Variants in SPIN1 observed in about 807,000 individuals in gnomAD.
The protein encoded by SPIN1 is spindlin-1.
In SPIN1, 3 loss-of-function variants were observed where a neutral mutation model predicts 26.0. The ratio of observed to expected loss-of-function variants is 0.12; its 90% confidence interval spans 0.05 to 0.30. SPIN1 has a LOEUF of 0.30. SPIN1 is among the 10% of genes least tolerant of loss of function. SPIN1 has a pLI of 1.00. For synonymous variants in SPIN1, 101 were observed against 116.5 expected (o/e 0.87, Z 0.86); for missense variants, 126 against 333.4 (o/e 0.38, Z 4.84).
At chr9:88,398,789 G>A (rs1827123781) in intron 1 of SPIN1, among the ~76,000 whole-genome samples, 1 of 151,900 alleles carries the variant, frequency 6.6e-6, no homozygotes, top group South Asian at 2.1e-4. Flanking sequence ...GGTCAGGCTG[G>A]TCTTGAACTC....
chr9:88,436,389 A>G (rs1000548560), intron 2 of SPIN1, among the ~76,000 whole-genome samples: 1 of 152,178 alleles, frequency 6.6e-6, no homozygotes, highest in South Asian at 2.1e-4. Context: ...AAAATAACAG[A>G]GTTCCCATAT....
chr9:88,440,553 C>G (rs1238585802), intron 2 of SPIN1, among the ~76,000 whole-genome samples: 1 of 151,968 alleles, frequency 6.6e-6, no homozygotes, highest in Non-Finnish European at 1.5e-5. Flanking sequence ...CTTTCTCTGT[C>G]TCTGTCTCTC....
chr9:88,454,702 C>T (rs1427630010), intron 3 of SPIN1, among the ~76,000 whole-genome samples: 1 of 152,068 alleles, frequency 6.6e-6, no homozygotes, highest in East Asian at 1.9e-4. Context: ...GTATCTAAAC[C>T]TGTCTTAAGT....
intron 2 of SPIN1, among the ~76,000 whole-genome samples, chr9:88,439,199 A>G (rs1462412649): frequency 6.6e-6 from 1 of 152,160 alleles, no homozygotes; most frequent in Non-Finnish European, 1.5e-5. Flanking sequence ...TCCTGAACAC[A>G]TTATTTTTTC....
At chr9:88,455,589 T>G (rs1202850697) in intron 3 of SPIN1, among the ~76,000 whole-genome samples, 1 of 152,216 alleles carries the variant, frequency 6.6e-6, no homozygotes, top group Non-Finnish European at 1.5e-5. Context: ...AATAATTTAA[T>G]GTATATTTTA....
chr9:88,429,011 C>A (rs990663704), intron 2 of SPIN1, among the ~76,000 whole-genome samples: 3 of 152,092 alleles, frequency 2.0e-5, no homozygotes, highest in African/African-American at 7.2e-5. Flanking sequence ...CTAGCTGGGA[C>A]CACAGGTGTG....
chr9:88,458,995 C>G (rs993108619), intron 3 of SPIN1, among the ~76,000 whole-genome samples: 1 of 152,194 alleles, frequency 6.6e-6, no homozygotes, highest in Admixed American at 6.5e-5. Context: ...ACATATCTGA[C>G]TACTGTGGTG....
At chr9:88,420,713 A>G (rs1827652490) in intron 1 of SPIN1, among the ~76,000 whole-genome samples, 1 of 152,180 alleles carries the variant, frequency 6.6e-6, no homozygotes, top group Non-Finnish European at 1.5e-5. Flanking sequence ...GTTTAGAGGG[A>G]TGGGGGTCTT....
chr9:88,402,966 T>C (rs1827222746), intron 1 of SPIN1, among the ~76,000 whole-genome samples: 1 of 152,168 alleles, frequency 6.6e-6, no homozygotes, highest in Non-Finnish European at 1.5e-5. Context: ...CCATCTTCTG[T>C]TGTTTGTGTT....
rs1424727512 is a variant in SPIN1, at chr9:88,475,220, C to T, written c.732C>T (p.Phe244=). Reference sequence around the variant, plus strand: ...TAGAAGCCAAGCCCTCCGTCTATTTCATCAAGTTTGATGATGATTTCCATA... The same window carrying T: ...TAGAAGCCAAGCCCTCCGTCTATTTTATCAAGTTTGATGATGATTTCCATA... The part of the protein sequence containing the change: ...HQVEAKPSVY[F]IKFDDDFHIY... Residue 244 remains phenylalanine, a synonymous_variant, in exon 6 of 6, where the codon TTC becomes TTT. Coordinates refer to ENST00000375859, the MANE Select transcript of SPIN1 (RefSeq NM_006717.3). The T allele has an allele frequency of 6.2e-7, 1 of 1,613,888 alleles. No individual in the cohort carries two copies. Among genetic ancestry groups the T allele is most frequent in the African/African-American group, 1.3e-5 (1 of 74,878 alleles).
chr9:88,415,029 G>A (rs1312493528), intron 1 of SPIN1, among the ~76,000 whole-genome samples: 3 of 151,912 alleles, frequency 2.0e-5, no homozygotes, highest in East Asian at 1.9e-4. Flanking sequence ...TTAGCCTCCC[G>A]AGTAGCTGAG....
intron 1 of SPIN1, among the ~76,000 whole-genome samples, chr9:88,388,902 G>A (rs1826851509): frequency 6.6e-6 from 1 of 151,066 alleles, no homozygotes; most frequent in Non-Finnish European, 1.5e-5. Context: ...AGGCCGGCGG[G>A]CAGGGGGCGG....
At chr9:88,398,857 G>A (rs547905309) in intron 1 of SPIN1, among the ~76,000 whole-genome samples, 2 of 151,720 alleles carry the variant, frequency 1.3e-5, no homozygotes, top group Non-Finnish European at 2.9e-5. Flanking sequence ...GTGAGCCACC[G>A]TGCCCGGCCT....
intron 5 of SPIN1, among the ~76,000 whole-genome samples, chr9:88,473,843 C>T (rs895336048): frequency 2.6e-5 from 4 of 152,034 alleles, no homozygotes; most frequent in African/African-American, 9.7e-5. Context: ...CTTTTGTAAA[C>T]GTGCCACAAA....
intron 1 of SPIN1, among the ~76,000 whole-genome samples, chr9:88,408,513 ACTACAGGTGCCCGC>A (rs1827361564): frequency 6.7e-6 from 1 of 150,086 alleles, no homozygotes; most frequent in African/African-American, 2.5e-5. Context: ...AGTAGCTGGG[ACTACAGGTGCCCGC>A]CACCAGGCCT....
rs1032110083 is a variant in SPIN1 at position 88,477,929 on chromosome 9, C to G, written c.*2652C>G. 6.6e-6 allele frequency: 1 copy of G among 152,108 alleles called. No individual in the cohort carries two copies. The highest frequency in any genetic ancestry group is 2.4e-5 in the African/African-American group (1 of 41,418). The allele number at this position is 152,108 out of a possible 1,614,324, so 9.4% of individuals were successfully genotyped here. On this transcript the variant is annotated 3_prime_UTR_variant, in exon 6 of 6. Coordinates refer to ENST00000375859, the MANE Select transcript of SPIN1 (RefSeq NM_006717.3). ...ACCATCCTTTTTTGCATGCTCTATT[C>G]TAAGTAGAATGTTCAATGTAACTGA...
intron 5 of SPIN1, among the ~76,000 whole-genome samples, chr9:88,469,061 T>G (rs1173018268): frequency 2.6e-5 from 4 of 152,194 alleles, no homozygotes; most frequent in African/African-American, 9.7e-5. Flanking sequence ...GCAGCGATCT[T>G]CAGCCTTTTT....
intron 3 of SPIN1, among the ~76,000 whole-genome samples, chr9:88,458,431 A>G (rs188199805): frequency 2.0e-5 from 3 of 152,336 alleles, no homozygotes; most frequent in East Asian, 1.9e-4. Context: ...AGCCCCTTGT[A>G]TAATGCTCAA....
At chr9:88,398,384 C>T (rs1827112834) in intron 1 of SPIN1, among the ~76,000 whole-genome samples, 1 of 152,074 alleles carries the variant, frequency 6.6e-6, no homozygotes, top group South Asian at 2.1e-4. Context: ...TTCATGAAAG[C>T]AGAACCATTC....
Sources: gnomAD v4.1 joint callset for allele counts (sites outside exome capture counted in the v4.1 genomes callset) on GRCh38, gnomAD v4.1.1 for gene constraint, MANE v1.5 for transcripts, NCBI Gene and HGNC (gene_info 2026-07-23, HGNC 2026-07-21) for gene names.